The following SDK2 variants were observed in gnomAD, a reference collection of about 807,000 sequenced individuals.
SDK2 encodes the protein sidekick cell adhesion molecule 2.
A neutral mutation model predicts 253.9 loss-of-function variants in SDK2; 105 were observed. The observed-to-expected ratio is 0.41, with a 90% CI of 0.35 to 0.49. The LOEUF (loss-of-function observed/expected upper bound fraction) is 0.49, where lower values mean the gene tolerates loss of function less well. Ranked by LOEUF, SDK2 falls within the 20% of genes least tolerant of loss-of-function variation. SDK2 has a pLI of 0.06. For synonymous variants in SDK2, 1,249 were observed against 1,234.9 expected, an observed-to-expected ratio of 1.01 and a Z score of -0.24; for missense variants, 2,608 against 3,003.0, an observed-to-expected ratio of 0.87 and a Z score of 3.07.
rs1206572528 is a variant in SDK2 at position 73,383,746 on chromosome 17, A to G, written c.4705+130T>C. The G allele has an allele frequency of 1.9e-6, 2 of 1,042,444 alleles. No homozygotes were observed. Among genetic ancestry groups the G allele is most frequent in the Non-Finnish European group, 1.4e-6 (1 of 702,804 alleles). 64.6% of individuals were successfully genotyped at this position (1,042,444 alleles called of 1,614,324 possible). ...GAATGAATGGGATGGGAGGAGGGAG[A>G]GGCACACATGGAGGAGGGAGGCAAG... On this transcript the variant is annotated intron_variant, in intron 33 of 44. Coordinates refer to ENST00000392650, the MANE Select transcript of SDK2 (RefSeq NM_001144952.2). The surrounding 1 kb of genome is among the most constrained non-coding windows in gnomAD (Gnocchi z 4.3).
At chr17:73,412,918 G>A (rs1568390198) in intron 18 of SDK2, among the ~76,000 whole-genome samples, 1 of 152,112 alleles carries the variant, frequency 6.6e-6, no homozygotes, top group Non-Finnish European at 1.5e-5. Context: ...TAGAAGTCAA[G>A]GAGAGAGGCC....
intron 1 of SDK2, among the ~76,000 whole-genome samples, chr17:73,571,421 C>G (rs2045384344): frequency 6.6e-6 from 1 of 152,178 alleles, no homozygotes; most frequent in Non-Finnish European, 1.5e-5. Flanking sequence ...CCTGCCCTTT[C>G]CAATGCCCAC....
Position 73,383,602 on chromosome 17 carries a change from C to G in SDK2, c.4705+274G>C, listed in dbSNP as rs1442033709. Among the ~76,000 whole-genome samples, 1 of 152,222 alleles carries G rather than the reference C, an allele frequency of 6.6e-6. No individual in the cohort carries two copies. The highest frequency in any genetic ancestry group is 1.5e-5 in the Non-Finnish European group (1 of 68,042). ...CCTAGAATGTTTCCTTCCCAGCTCG[C>G]CTGGCTCCTCCTCCAGCCTGCAACT... On this transcript the variant is annotated intron_variant, in intron 33 of 44. Transcript: ENST00000392650. The surrounding 1 kb of genome is among the most constrained non-coding windows in gnomAD (Gnocchi z 4.3).
At chr17:73,390,537 C>G in intron 28 of SDK2, 56 bp from the exon 29 acceptor site, 2 of 1,525,866 alleles carry the variant, frequency 1.3e-6, no homozygotes, top group Non-Finnish European at 1.8e-6. Flanking sequence ...GCTCCTAGGG[C>G]CCCGGGAAGG....
In SDK2 at chr17:73,421,576, T is replaced by TG. The variant is rs1476666749; in HGVS notation, c.2045+710_2045+711insC. 3.6e-4 allele frequency among the ~76,000 whole-genome samples: 49 copies of TG among 135,604 alleles called. 1 individual carries two copies. Among genetic ancestry groups the TG allele is most frequent in the Non-Finnish European group, 1.4e-4 (9 of 65,052 alleles). 89.0% of individuals were successfully genotyped at this position (135,604 alleles called of 152,430 possible). A position where few individuals can be genotyped will look rare whatever the true frequency, so the allele number is the denominator to read the frequency against. On this transcript the variant is annotated intron_variant, in intron 15 of 44. Coordinates refer to ENST00000392650, the MANE Select transcript of SDK2 (RefSeq NM_001144952.2). Reference sequence around the variant, plus strand: ...GCAGCTTTTATTCAATTTCCATCTTTTTTTTTTTTTTTTTTTTTTGAGACA... The same window carrying TG: ...GCAGCTTTTATTCAATTTCCATCTTTGTTTTTTTTTTTTTTTTTTTGAGACA...
intron 29 of SDK2, among the ~76,000 whole-genome samples, chr17:73,389,218 C>T (rs1410581521): frequency 6.3e-5 from 8 of 127,720 alleles, no homozygotes; most frequent in Non-Finnish European, 1.3e-4. Context: ...CGGTCTTGCT[C>T]TGTAGCCCAG....
intron 44 of SDK2, among the ~76,000 whole-genome samples, chr17:73,344,421 C>T (rs565563677): frequency 6.0e-4 from 92 of 152,318 alleles, no homozygotes; most frequent in African/African-American, 2.1e-3. Context: ...TGCTGGGCAG[C>T]TGCACGAGGC....
At chr17:73,414,126 C>T (rs1037025088) in intron 18 of SDK2, among the ~76,000 whole-genome samples, 20 of 151,580 alleles carry the variant, frequency 1.3e-4, no homozygotes, top group African/African-American at 4.4e-4. Flanking sequence ...CGGCTCACTG[C>T]AACCTCCGCC....
intron 27 of SDK2, among the ~76,000 whole-genome samples, chr17:73,393,242 C>CAAAAAAAAAAAAAAAAAA (rs11443969): frequency 2.3e-5 from 2 of 85,538 alleles, no homozygotes; most frequent in South Asian, 5.1e-4. Context: ...GATACTCTAT[C>CAAAAAAAAAAAAAAAAAA]AAAAAAAAAA....
chr17:73,387,506 T>C (rs911135253), intron 30 of SDK2, among the ~76,000 whole-genome samples: 2 of 152,172 alleles, frequency 1.3e-5, no homozygotes, highest in African/African-American at 4.8e-5. Context: ...ACTCCCCTAT[T>C]AAAGCTGGAG....
chr17:73,595,003 G>A (rs1318187109), intron 1 of SDK2, among the ~76,000 whole-genome samples: 2 of 152,156 alleles, frequency 1.3e-5, no homozygotes, highest in Admixed American at 6.5e-5. Context: ...GTCACCCTCT[G>A]CTCTGTGGAT....
intron 15 of SDK2, among the ~76,000 whole-genome samples, chr17:73,420,250 AAAGTT>A (rs1263483388): frequency 6.6e-6 from 1 of 152,234 alleles, no homozygotes; most frequent in Admixed American, 6.5e-5. Flanking sequence ...ACTCCAAACA[AAAGTT>A]AATTATTTTT....
rs889746524 is a variant in SDK2 at position 73,381,893 on chromosome 17, CAAAAAACAAAAAACA to C, written c.4706-958_4706-944del. On this transcript the variant is annotated intron_variant, in intron 33 of 44. Transcript: ENST00000392650. The stretch of plus-strand genomic sequence containing the variant: ...TGGGTGACAGAGCAAGACTCTGTCT[CAAAAAACAAAAAACA>C]AAAAAACAAAAAACAAAAAACAAAA... 8.1e-4 allele frequency among the ~76,000 whole-genome samples: 119 copies of C among 147,684 alleles called. 1 individual carries two copies. The highest frequency in any genetic ancestry group is 2.0e-3 in the African/African-American group (80 of 39,910).
At chr17:73,343,319 C>G (rs191953311) in intron 44 of SDK2, among the ~76,000 whole-genome samples, 2 of 152,252 alleles carry the variant, frequency 1.3e-5, no homozygotes, top group East Asian at 1.9e-4. Context: ...CCTCTTCCCC[C>G]GCTCCGCCTT....
chr17:73,611,663 C>G (rs189882881), intron 1 of SDK2, among the ~76,000 whole-genome samples: 8 of 152,352 alleles, frequency 5.3e-5, no homozygotes, highest in Non-Finnish European at 1.2e-4. Flanking sequence ...TCCCTCATGG[C>G]CAGTCATGCT....
intron 1 of SDK2, among the ~76,000 whole-genome samples, chr17:73,641,825 A>G (rs2046402292): frequency 6.6e-6 from 1 of 152,076 alleles, no homozygotes; most frequent in African/African-American, 2.4e-5. Flanking sequence ...AGCAGATAAG[A>G]AAGGACCTCA....
At chr17:73,351,362 G>C (rs112146486) in intron 41 of SDK2, among the ~76,000 whole-genome samples, 1 of 152,086 alleles carries the variant, frequency 6.6e-6, no homozygotes, top group Admixed American at 6.6e-5. Flanking sequence ...CACCTGCCTC[G>C]GCCTCCCAAA....
At chr17:73,596,531 T>C (rs528248554) in intron 1 of SDK2, among the ~76,000 whole-genome samples, 7 of 152,302 alleles carry the variant, frequency 4.6e-5, no homozygotes, top group African/African-American at 1.7e-4. Flanking sequence ...CTCTCTGGCC[T>C]CCCTGTCCCA....
Position 73,534,088 on chromosome 17 carries a change from TTCC to T in SDK2, c.65-26494_65-26492del, listed in dbSNP as rs2064194399. Among the ~76,000 whole-genome samples the T allele has an allele frequency of 6.6e-6, 1 of 151,760 alleles. No individual in the cohort carries two copies. Among genetic ancestry groups the T allele is most frequent in the Non-Finnish European group, 1.5e-5 (1 of 67,920 alleles). Reference sequence around the variant, plus strand: ...TCCTTCCCCGCCTCCTCCCCTCCTCTTCCTCCTCCTCCTTCCCACTCTCCTTCC... The same window carrying T: ...TCCTTCCCCGCCTCCTCCCCTCCTCTTCCTCCTCCTTCCCACTCTCCTTCC... On this transcript the variant is annotated intron_variant, in intron 1 of 44. Transcript: ENST00000392650. The surrounding 1 kb of genome is among the most constrained non-coding windows in gnomAD (Gnocchi z 4.9).
Sources: allele counts gnomAD v4.1 joint callset (sites outside exome capture counted in the v4.1 genomes callset), GRCh38; gene constraint gnomAD v4.1.1; non-coding constraint Gnocchi (gnomAD v3.1); transcripts MANE v1.5; gene names NCBI Gene and HGNC (gene_info 2026-07-23, HGNC 2026-07-21).